Variants in KIF20B observed in about 807,000 individuals in gnomAD.
The protein encoded by KIF20B is kinesin family member 20B, also known as kinesin-like protein KIF20B.
Under a neutral mutation model 232.5 loss-of-function variants are expected in KIF20B, and 188 were observed. That is an observed-to-expected ratio of 0.81 (90% confidence interval 0.72 to 0.91). The LOEUF (loss-of-function observed/expected upper bound fraction) is 0.91. Among genes scored for constraint, KIF20B ranks in the 40% least tolerant of loss-of-function variants. The pLI is 0.00. For synonymous variants in KIF20B, 712 were observed against 683.0 expected, an observed-to-expected ratio of 1.04 and a Z score of -0.66; for missense variants, 2,154 against 2,055.9, an observed-to-expected ratio of 1.05 and a Z score of -0.92.
At chr10:89,751,103 T>C (rs1296630022) in intron 23 of KIF20B, among the ~76,000 whole-genome samples, 1 of 152,094 alleles carries the variant, frequency 6.6e-6, no homozygotes, top group East Asian at 1.9e-4. Flanking sequence ...CTTTTTTCCA[T>C]TCATCCACTC....
chr10:89,740,537 C>T (rs1275595441), intron 21 of KIF20B, among the ~76,000 whole-genome samples: 2 of 152,172 alleles, frequency 1.3e-5, no homozygotes, highest in East Asian at 3.8e-4. Context: ...AAATTTCCAA[C>T]TCTAATCATT....
rs373607954 is a variant in KIF20B at position 89,718,755 on chromosome 10, T to C, written c.1317T>C (p.Tyr439=). The C allele has an allele frequency of 4.3e-5, 69 of 1,611,650 alleles. 1 individual carries two copies. In the African/African-American group the frequency reaches 8.2e-4, roughly 19 times the overall value. Residue 439 remains tyrosine (Y), a synonymous_variant, in exon 12 of 33, where the codon TAT becomes TAC. Coordinates refer to ENST00000371728, the MANE Select transcript of KIF20B (RefSeq NM_001284259.2). ...VPFRESKLTH[Y]FQSFFNGKGK... is the part of the protein sequence containing the mutation. ...TCCGGGAAAGTAAACTGACTCACTA[T>C]TTTCAAAGTTTTTTTAATGGTAAAG...
Position 89,722,810 on chromosome 10 carries a change from A to G in KIF20B, c.1723-1154A>G, listed in dbSNP as rs561009073. The stretch of plus-strand genomic sequence containing the variant: ...TATTAAAATAGTATTATGTATTTAT[A>G]GTAGAGTGAAAAAGAAAATCTAAAT... On this transcript the variant is annotated intron_variant, in intron 13 of 32. Transcript: ENST00000371728. Among the ~76,000 whole-genome samples the G allele has an allele frequency of 2.0e-5, 3 of 152,286 alleles. No individual in the cohort carries two copies. In the East Asian group the frequency reaches 5.8e-4, roughly 29 times the overall value.
In KIF20B at chr10:89,754,567, A is replaced by G. The variant is rs776330910; in HGVS notation, c.4397A>G (p.Lys1466Arg). 1.2e-6 allele frequency: 2 copies of G among 1,605,470 alleles called. No homozygotes were observed. The highest frequency in any genetic ancestry group is 2.2e-5 in the East Asian group (1 of 44,594). Reference protein sequence around the residue: ...NADRKKWLEEKMMLITQAKEA... With the variant: ...NADRKKWLEERMMLITQAKEA... ...GATAGAAAGAAATGGTTAGAAGAAA[A>G]AATGATGCTTATCACTCAAGCGAAA... The change falls in exon 26 of 33, where the codon AAA becomes AGA. Residue 1466 changes from lysine (K) to arginine (R), a missense_variant. Physicochemically the swap from Lys to Arg is conservative, Grantham distance 26 (BLOSUM62 2). Coordinates refer to ENST00000371728, the MANE Select transcript of KIF20B (RefSeq NM_001284259.2).
chr10:89,722,084 A>T (rs1254914691), intron 13 of KIF20B, among the ~76,000 whole-genome samples: 3 of 152,022 alleles, frequency 2.0e-5, no homozygotes, highest in African/African-American at 7.2e-5. Context: ...ACTAATTTTT[A>T]AAAATGTTTT....
rs906118623 is a variant in KIF20B at position 89,729,504 on chromosome 10, G to A, written c.2391+257G>A. Among the ~76,000 whole-genome samples, 14 of 152,336 alleles carry A rather than the reference G, an allele frequency of 9.2e-5. 1 individual carries two copies. The Middle Eastern group carries it at 0.017, about 185-fold the overall frequency. ...TTGCATGTAAAAAGGAGGAGAATAT[G>A]TAGCCTTTGGACGTTTAAGCCTCAG... On this transcript the variant is annotated intron_variant, in intron 18 of 32. Coordinates refer to ENST00000371728, the MANE Select transcript of KIF20B (RefSeq NM_001284259.2).
At position 89,710,945 on chromosome 10, in the gene KIF20B, A is replaced by C. The variant is rs768285242; in HGVS notation, c.491-16A>C. Reference sequence around the variant, plus strand: ...TAGTAGACTGAGAGAGTATAACACAAAAATTCCTTTTGCAGGGACAGAAGA... The same window carrying C: ...TAGTAGACTGAGAGAGTATAACACACAAATTCCTTTTGCAGGGACAGAAGA... On this transcript the variant is annotated splice_polypyrimidine_tract_variant and intron_variant, in intron 5 of 32. Transcript: ENST00000371728. The C allele has an allele frequency of 1.3e-6, 2 of 1,594,656 alleles. No individual in the cohort carries two copies. Among genetic ancestry groups the C allele is most frequent in the Non-Finnish European group, 1.7e-6 (2 of 1,174,404 alleles).
chr10:89,715,233 C>T (rs751523917), intron 8 of KIF20B, 51 bp downstream of exon 8: 1 of 1,148,804 alleles, frequency 8.7e-7, no homozygotes, highest in East Asian at 2.4e-5. Context: ...TCTTCCTGGG[C>T]TTTGTGATAG....
In KIF20B at chr10:89,710,846, C is replaced by T. The variant is rs115648947; in HGVS notation, c.491-115C>T. On this transcript the variant is annotated intron_variant, in intron 5 of 32. Transcript: ENST00000371728. ...CTGAGTAATCCTTAGCTATCATTTC[C>T]GTTTCAGTTGTTGACTCTTGCCTAT... 1.1e-3 allele frequency: 713 copies of T among 663,530 alleles called. 4 individuals carry two copies. In the African/African-American group the frequency reaches 0.012, roughly 11 times the overall value. The allele number at this position is 663,530 out of a possible 1,614,324, so 41.1% of individuals were successfully genotyped here.
At chr10:89,716,304 CT>C in intron 8 of KIF20B, 131 bp from the exon 9 acceptor site, 1 of 530,548 alleles carries the variant, frequency 1.9e-6, no homozygotes, top group South Asian at 3.1e-5. Flanking sequence ...GCTGAGTTGA[CT>C]CCAGCTAGGA....
At chr10:89,728,590 A>G (rs1177061272) in intron 17 of KIF20B, among the ~76,000 whole-genome samples, 1 of 151,860 alleles carries the variant, frequency 6.6e-6, no homozygotes, top group South Asian at 2.1e-4. Context: ...ACTGCAGCCT[A>G]CGTTTCCTGG....
At chr10:89,726,714 A>G (rs926623651) in intron 16 of KIF20B, among the ~76,000 whole-genome samples, 193 bp downstream of exon 16, 2 of 152,098 alleles carry the variant, frequency 1.3e-5, no homozygotes, top group African/African-American at 4.8e-5. Flanking sequence ...TTTGACTTCC[A>G]TTTATTTTAG....
Position 89,760,552 on chromosome 10 carries a change from C to G in KIF20B, c.4707C>G (p.Pro1569=), listed in dbSNP as rs756015474. The part of the protein sequence containing the change: ...KIETQIMDIK[P]KRISSADPDK... ...AAACACAAATCATGGATATCAAGCCCAAACGTATTAGTTCAGCAGATCCTG... is the reference window on the plus strand; with the variant it reads ...AAACACAAATCATGGATATCAAGCCGAAACGTATTAGTTCAGCAGATCCTG... The change falls in exon 28 of 33, where the codon CCC becomes CCG. Residue 1569 remains proline, a synonymous_variant. Transcript: ENST00000371728. 9 of 1,612,546 alleles carry G rather than the reference C, an allele frequency of 5.6e-6. No individual in the cohort carries two copies. The highest frequency in any genetic ancestry group is 6.8e-6 in the Non-Finnish European group (8 of 1,178,908).
In KIF20B at chr10:89,711,654, C is replaced by T. The variant is rs150836598; in HGVS notation, c.675+509C>T. ...TATATATGATGTGTATATCTTCATACCTTTGTTTTTATATGTATGATATAA... is the reference window on the plus strand; with the variant it reads ...TATATATGATGTGTATATCTTCATATCTTTGTTTTTATATGTATGATATAA... On this transcript the variant is annotated intron_variant, in intron 6 of 32. Coordinates refer to ENST00000371728, the MANE Select transcript of KIF20B (RefSeq NM_001284259.2). Among the ~76,000 whole-genome samples, 427 of 151,662 alleles carry T rather than the reference C, an allele frequency of 2.8e-3. 2 individuals carry two copies. Among genetic ancestry groups the T allele is most frequent in the African/African-American group, 9.6e-3 (396 of 41,398 alleles).
intron 25 of KIF20B, among the ~76,000 whole-genome samples, chr10:89,753,746 G>T (rs1051234978): frequency 2.6e-5 from 4 of 151,902 alleles, no homozygotes; most frequent in African/African-American, 7.3e-5. Context: ...TCAGCCTCCC[G>T]AGTAGCTGGG....
chr10:89,725,258 A>G (rs1478393535), intron 15 of KIF20B, 100 bp downstream of exon 15: 1 of 1,061,954 alleles, frequency 9.4e-7, no homozygotes, highest in Non-Finnish European at 1.4e-6. Context: ...GTTTAGAATT[A>G]AAACAATGCT....
chr10:89,770,577 C>CT (rs1219153357), intron 31 of KIF20B, among the ~76,000 whole-genome samples: 1 of 151,852 alleles, frequency 6.6e-6, no homozygotes, highest in African/African-American at 2.4e-5. Context: ...TCCTTAACAG[C>CT]TTCCCTACCA....
chr10:89,755,375 T>C (rs1435306508), intron 26 of KIF20B, among the ~76,000 whole-genome samples: 1 of 150,920 alleles, frequency 6.6e-6, no homozygotes, highest in Admixed American at 6.6e-5. Context: ...TCCTTCCTTC[T>C]TTCCTTCCTT....
chr10:89,711,166 G>C, intron 6 of KIF20B, 21 bp downstream of exon 6: 2 of 1,396,598 alleles, frequency 1.4e-6, no homozygotes, highest in Non-Finnish European at 1.9e-6. Context: ...ATTTTAGTAT[G>C]TAAAATATGT....
Sources: gnomAD v4.1 joint callset for allele counts (sites outside exome capture counted in the v4.1 genomes callset) on GRCh38, gnomAD v4.1.1 for gene constraint, MANE v1.5 for transcripts, NCBI Gene and HGNC (gene_info 2026-07-23, HGNC 2026-07-21) for gene names.